PIP4K2B: variants seen among roughly 807,000 people sequenced by gnomAD.
The protein encoded by PIP4K2B is phosphatidylinositol 5-phosphate 4-kinase type-2 beta.
In PIP4K2B, 3 loss-of-function variants were observed where a neutral mutation model predicts 42.0. That is an observed-to-expected ratio of 0.07 (90% CI 0.03 to 0.18). The LOEUF (loss-of-function observed/expected upper bound fraction) is 0.18. Among genes scored for constraint, PIP4K2B ranks in the 10% least tolerant of loss-of-function variants. The probability of loss-of-function intolerance (pLI) is 1.00; values close to 1 mark genes in which losing one functional copy is unlikely to be tolerated. For missense variants in PIP4K2B, 332 were observed against 562.3 expected (o/e 0.59, Z 4.14); for synonymous variants, 204 against 210.1 (o/e 0.97, Z 0.25).
At chr17:38,795,474 G>A (rs1336085487) in intron 1 of PIP4K2B, among the ~76,000 whole-genome samples, 2 of 152,176 alleles carry the variant, frequency 1.3e-5, no homozygotes, top group African/African-American at 4.8e-5. Flanking sequence ...GTACAGGCCA[G>A]GCACAGTGGC....
intron 7 of PIP4K2B, chr17:38,776,609 G>A (rs1413319138): frequency 4.5e-6 from 2 of 442,240 alleles, no homozygotes; most frequent in South Asian, 1.6e-5. Context: ...CCAGCCTGGG[G>A]ACAGAACGAG....
chr17:38,776,523 G>A (rs1053084079), intron 7 of PIP4K2B: 1 of 369,486 alleles, frequency 2.7e-6, no homozygotes, highest in Admixed American at 3.7e-5. Context: ...CTACTTGGGA[G>A]GCTGAGGTAG....
intron 1 of PIP4K2B, among the ~76,000 whole-genome samples, chr17:38,792,012 C>T (rs1296660330): frequency 6.6e-6 from 1 of 151,680 alleles, no homozygotes; most frequent in Non-Finnish European, 1.5e-5. Flanking sequence ...AGGAGAATGG[C>T]GTGAACCCAC....
At chr17:38,777,276 G>C (rs1010101929) in intron 7 of PIP4K2B, among the ~76,000 whole-genome samples, 1 of 152,006 alleles carries the variant, frequency 6.6e-6, no homozygotes, top group African/African-American at 2.4e-5. Flanking sequence ...TGTTGCCTAG[G>C]CTGGTATTGA....
chr17:38,782,557 A>G (rs1378572617), intron 3 of PIP4K2B, among the ~76,000 whole-genome samples: 1 of 152,208 alleles, frequency 6.6e-6, no homozygotes, highest in Non-Finnish European at 1.5e-5. Flanking sequence ...TCAGGGTTCA[A>G]TCCTAACAGC....
Position 38,771,189 on chromosome 17 carries a change from C to T in PIP4K2B, c.891G>A (p.Glu297=), listed in dbSNP as rs61749872. ...CCTCGTCCTCTGCCCGCTCCTCCAC[C>T]TCCATCTCCTCCTGCTCTGCCCGGT... ...DVDRAEQEEM[E]VEERAEDEEC... is the part of the protein sequence containing the mutation. The change falls in exon 8 of 10, where the codon GAG becomes GAA. Residue 297 remains glutamate (E), a synonymous_variant. Transcript: ENST00000619039. The T allele has an allele frequency of 5.7e-3, 9,234 of 1,614,158 alleles. 42 individuals carry two copies. Among genetic ancestry groups the T allele is most frequent in the Non-Finnish European group, 6.9e-3 (8,183 of 1,180,030 alleles).
At chr17:38,791,299 C>T (rs1910326371) in intron 1 of PIP4K2B, among the ~76,000 whole-genome samples, 1 of 151,958 alleles carries the variant, frequency 6.6e-6, no homozygotes, top group African/African-American at 2.4e-5. Context: ...GATCATGCTA[C>T]ACTCCTGCTT....
chr17:38,795,981 T>TA (rs931873574), intron 1 of PIP4K2B, among the ~76,000 whole-genome samples: 1 of 151,594 alleles, frequency 6.6e-6, no homozygotes, highest in African/African-American at 2.4e-5. Flanking sequence ...TCTACTAAAA[T>TA]AAAAAAATTA....
rs1465795102 is a variant in PIP4K2B at position 38,771,129 on chromosome 17, G to A, written c.951C>T (p.Leu317=). 1 of 1,614,144 alleles carries A rather than the reference G, an allele frequency of 6.2e-7. No homozygotes were observed. Among genetic ancestry groups the A allele is most frequent in the Non-Finnish European group, 8.5e-7 (1 of 1,180,024 alleles). Reference sequence around the variant, plus strand: ...TGTCCGGAGGTGTGCCATAGGAGCAGAGTAGGTTGCCACCCACCCCATCAT... The same window carrying A: ...TGTCCGGAGGTGTGCCATAGGAGCAAAGTAGGTTGCCACCCACCCCATCAT... ...CENDGVGGNL[L]CSYGTPPDSP... is the part of the protein sequence containing the mutation. Residue 317 remains leucine (L), a synonymous_variant, in exon 8 of 10, where the codon CTC becomes CTT. Coordinates refer to ENST00000619039, the MANE Select transcript of PIP4K2B (RefSeq NM_003559.5).
intron 1 of PIP4K2B, among the ~76,000 whole-genome samples, chr17:38,787,881 A>G (rs986297930): frequency 6.6e-6 from 1 of 152,250 alleles, no homozygotes; most frequent in African/African-American, 2.4e-5. Flanking sequence ...TACAGGCGTG[A>G]GCCACCACGC....
intron 7 of PIP4K2B, among the ~76,000 whole-genome samples, chr17:38,772,315 T>C (rs980787826): frequency 6.6e-6 from 1 of 152,200 alleles, no homozygotes; most frequent in African/African-American, 2.4e-5. Context: ...TTTTAAATAG[T>C]GTACCATTCC....
Position 38,769,789 on chromosome 17 carries a change from C to T in PIP4K2B, c.1171-18G>A. The T allele has an allele frequency of 6.2e-7, 1 of 1,613,596 alleles. No homozygotes were observed. Among genetic ancestry groups the T allele is most frequent in the Non-Finnish European group, 8.5e-7 (1 of 1,179,544 alleles). On this transcript the variant is annotated intron_variant, in intron 9 of 9. Coordinates refer to ENST00000619039, the MANE Select transcript of PIP4K2B (RefSeq NM_003559.5). ...GCCCCTGCCTGTAATACACAAGAGG[C>T]TGATTCAGGTTGAGTTCCTGTGCCC...
At chr17:38,778,439 G>T in intron 5 of PIP4K2B, 67 bp from the exon 6 acceptor site, 1 of 1,450,110 alleles carries the variant, frequency 6.9e-7, no homozygotes, top group African/African-American at 1.4e-5. Context: ...GCAAACATGG[G>T]AGAGCCAGCA....
At chr17:38,778,205 C>T in intron 6 of PIP4K2B, 129 bp downstream of exon 6, 1 of 840,006 alleles carries the variant, frequency 1.2e-6, no homozygotes, top group Admixed American at 1.7e-5. Flanking sequence ...TGACACACGG[C>T]ATTTCATGTT....
chr17:38,785,777 A>G (rs1295266409), intron 2 of PIP4K2B, among the ~76,000 whole-genome samples: 1 of 152,226 alleles, frequency 6.6e-6, no homozygotes, highest in African/African-American at 2.4e-5. Flanking sequence ...TCTCTGCTTT[A>G]GGCCAAGATA....
chr17:38,770,939 G>C, intron 8 of PIP4K2B, 75 bp downstream of exon 8: 1 of 1,540,198 alleles, frequency 6.5e-7, no homozygotes. Context: ...GATGCCCCTA[G>C]AAGGATCTAA....
At chr17:38,773,099 T>C (rs1909136792) in intron 7 of PIP4K2B, among the ~76,000 whole-genome samples, 1 of 152,190 alleles carries the variant, frequency 6.6e-6, no homozygotes, top group East Asian at 1.9e-4. Flanking sequence ...GGGGGACTAC[T>C]GTATAATAAA....
In PIP4K2B at chr17:38,767,472, T is replaced by C. The variant is rs1908763481; in HGVS notation, c.*2219A>G. The stretch of plus-strand genomic sequence containing the variant: ...ATACTGTCAGAAAAACAAAAAGCAT[T>C]TGAAACAGAATGCTACCTCTCAAAA... On this transcript the variant is annotated 3_prime_UTR_variant, in exon 10 of 10. Transcript: ENST00000619039. 1 of 152,278 alleles carries C rather than the reference T, an allele frequency of 6.6e-6. No individual in the cohort carries two copies. The highest frequency in any genetic ancestry group is 2.4e-5 in the African/African-American group (1 of 41,382). 9.4% of individuals were successfully genotyped at this position (152,278 alleles called of 1,614,324 possible).
At position 38,766,877 on chromosome 17, in the gene PIP4K2B, T is replaced by G. The variant is rs1320289786; in HGVS notation, c.*2814A>C. ...GGCCTTCATCTAGAGGTCAGTGGAG[T>G]CTCCAGGGCACTCATCACTGTGGCT... On this transcript the variant is annotated 3_prime_UTR_variant, in exon 10 of 10. Coordinates refer to ENST00000619039, the MANE Select transcript of PIP4K2B (RefSeq NM_003559.5). 6.6e-6 allele frequency: 1 copy of G among 152,288 alleles called. No individual in the cohort carries two copies. The highest frequency in any genetic ancestry group is 1.5e-5 in the Non-Finnish European group (1 of 68,016). The allele number at this position is 152,288 out of a possible 1,614,324, so 9.4% of individuals were successfully genotyped here.
Sources: gnomAD v4.1 joint callset for allele counts (sites outside exome capture counted in the v4.1 genomes callset) on GRCh38, gnomAD v4.1.1 for gene constraint, MANE v1.5 for transcripts, NCBI Gene and HGNC (gene_info 2026-07-23, HGNC 2026-07-21) for gene names.